ISM2: variants seen among roughly 807,000 people sequenced by gnomAD.
The protein encoded by ISM2 is isthmin 2.
A neutral mutation model predicts 58.0 loss-of-function variants in ISM2; 50 were observed. The observed-to-expected ratio is 0.86, with a 90% CI of 0.69 to 1.09. The LOEUF (loss-of-function observed/expected upper bound fraction) is 1.09. Among genes scored for constraint, ISM2 ranks in the 50% least tolerant of loss-of-function variants. The probability of loss-of-function intolerance (pLI) is 0.00; values close to 1 mark genes in which losing one functional copy is unlikely to be tolerated. For synonymous variants in ISM2, 303 were observed against 312.4 expected, an observed-to-expected ratio of 0.97 and a Z score of 0.32; for missense variants, 723 against 745.0, an observed-to-expected ratio of 0.97 and a Z score of 0.34.
In ISM2 at chr14:77,491,482, G is replaced by A. The variant is rs552765441; in HGVS notation, c.142-6563C>T. Among the ~76,000 whole-genome samples, 23 of 152,240 alleles carry A rather than the reference G, an allele frequency of 1.5e-4. No individual in the cohort carries two copies. In the East Asian group the frequency reaches 2.5e-3, roughly 17 times the overall value. On this transcript the variant is annotated intron_variant, in intron 1 of 6. Transcript: ENST00000342219. The stretch of plus-strand genomic sequence containing the variant: ...CGGCTCACCGCAACCTCTGCCTCCC[G>A]GGCTCAAGTGATTCTCCTGCCTTAG...
chr14:77,482,271 CT>C, intron 4 of ISM2, 50 bp downstream of exon 4: 1 of 1,424,224 alleles, frequency 7.0e-7, no homozygotes, highest in South Asian at 1.3e-5. Context: ...CCCATTTCCA[CT>C]CAGTACCTAC....
chr14:77,497,418 C>A (rs1287615463), intron 1 of ISM2, among the ~76,000 whole-genome samples: 3 of 147,964 alleles, frequency 2.0e-5, no homozygotes, highest in African/African-American at 7.4e-5. Flanking sequence ...GGCACCATGG[C>A]TCATGCCTGT....
At chr14:77,483,509 T>C (rs896506693) in intron 3 of ISM2, among the ~76,000 whole-genome samples, 3 of 151,148 alleles carry the variant, frequency 2.0e-5, no homozygotes, top group Non-Finnish European at 2.9e-5. Context: ...GATCATGCCA[T>C]TGCATTCCAG....
At position 77,482,383 on chromosome 14, in the gene ISM2, G is replaced by T; in HGVS notation, c.912C>A (p.Asp304Glu). The T allele has an allele frequency of 6.2e-7, 1 of 1,614,170 alleles. No individual in the cohort carries two copies. The highest frequency in any genetic ancestry group is 8.5e-7 in the Non-Finnish European group (1 of 1,180,020). The part of the protein sequence containing the change: ...EQALWFNGTT[D>E]NWDQGWLAPG... ...GGGCCAGCCAGCCCTGGTCCCAGTT[G>T]TCTGTAGTTCCATTGAACCAGAGCG... Residue 304 changes from aspartate (D) to glutamate (E), a missense_variant, in exon 4 of 7, where the codon GAC (aspartate) becomes GAA (glutamate). Coordinates refer to ENST00000342219, the MANE Select transcript of ISM2 (RefSeq NM_199296.3).
intron 1 of ISM2, among the ~76,000 whole-genome samples, chr14:77,495,293 T>C (rs755327842): frequency 6.6e-6 from 1 of 152,218 alleles, no homozygotes; most frequent in Non-Finnish European, 1.5e-5. Flanking sequence ...TGCTTTTTCA[T>C]TGTGGCACTA....
At chr14:77,485,618 T>A (rs1458350075) in intron 1 of ISM2, among the ~76,000 whole-genome samples, 1 of 152,270 alleles carries the variant, frequency 6.6e-6, no homozygotes, top group Non-Finnish European at 1.5e-5. Flanking sequence ...CTGTTCAGCA[T>A]TCATCTGCCC....
chr14:77,482,979 C>T (rs1463553493), intron 3 of ISM2: 1 of 266,676 alleles, frequency 3.7e-6, no homozygotes, highest in African/African-American at 2.2e-5. Context: ...CACTCACTAG[C>T]TTAAGAGAAG....
At chr14:77,477,674 T>C (rs1403275286) in intron 6 of ISM2, among the ~76,000 whole-genome samples, 1 of 152,194 alleles carries the variant, frequency 6.6e-6, no homozygotes, top group East Asian at 1.9e-4. Flanking sequence ...GCCAGCACCA[T>C]GGCCAGGCAC....
In ISM2 at chr14:77,475,975, C is replaced by G. The variant is rs1367719318; in HGVS notation, c.1336G>C (p.Asp446His). 6.3e-7 allele frequency: 1 copy of G among 1,595,832 alleles called. No homozygotes were observed. The highest frequency in any genetic ancestry group is 8.5e-7 in the Non-Finnish European group (1 of 1,177,420). Residue 446 changes from aspartate to histidine, a missense_variant, in exon 7 of 7, where the codon GAC (aspartate) becomes CAC (histidine). By Grantham distance (81) the Asp-to-His change is moderately conservative (BLOSUM62 -1). Transcript: ENST00000342219. The surrounding 1 kb of genome is among the most constrained non-coding windows in gnomAD (Gnocchi z 4.1). ...EAMDSPVSLQDEHQGRSFRWR... is the reference protein window; with the variant it reads ...EAMDSPVSLQHEHQGRSFRWR... Reference sequence around the variant, plus strand: ...CGGAAGCTGCGGCCCTGGTGCTCGTCCTGTAGGCTCACAGGGCTGTCCATG... The same window carrying G: ...CGGAAGCTGCGGCCCTGGTGCTCGTGCTGTAGGCTCACAGGGCTGTCCATG...
intron 4 of ISM2, among the ~76,000 whole-genome samples, chr14:77,479,051 A>C (rs1405811998): frequency 6.6e-6 from 1 of 152,116 alleles, no homozygotes; most frequent in Non-Finnish European, 1.5e-5. Flanking sequence ...GTCCCCCTAC[A>C]TCTCTGAGCT....
At position 77,482,848 on chromosome 14, in the gene ISM2, G is replaced by A. The variant is rs559813934; in HGVS notation, c.628-181C>T. On this transcript the variant is annotated intron_variant, in intron 3 of 6. Transcript: ENST00000342219. ...GGCCTCTTAGGGCACAAGAATCACA[G>A]CTTACGGCCTGGAGGTGCATTAGAA... is the stretch of plus-strand genomic sequence containing the variant. 16 of 530,044 alleles carry A rather than the reference G, an allele frequency of 3.0e-5. No individual in the cohort carries two copies. The African/African-American group carries it at 3.1e-4, about 10-fold the overall frequency. The allele number at this position is 530,044 out of a possible 1,614,324, so 32.8% of individuals were successfully genotyped here. A position where few individuals can be genotyped will look rare whatever the true frequency, so the allele number is the denominator to read the frequency against.
chr14:77,477,097 G>A (rs2079103111), intron 6 of ISM2, among the ~76,000 whole-genome samples: 2 of 152,138 alleles, frequency 1.3e-5, no homozygotes, highest in Non-Finnish European at 1.5e-5. Flanking sequence ...TCATAAACCA[G>A]AAAGAGGTGC....
chr14:77,497,733 AGGAAGGAGGGAGGGAG>A (rs1487065250), intron 1 of ISM2, among the ~76,000 whole-genome samples: 9 of 37,830 alleles, frequency 2.4e-4, no homozygotes, highest in Non-Finnish European at 4.5e-4. Flanking sequence ...AAAAGTAGGA[AGGAAGGAGGGAGGGAG>A]GGAGGGAGGG....
At chr14:77,479,186 C>T (rs1197280764) in intron 4 of ISM2, among the ~76,000 whole-genome samples, 1 of 152,120 alleles carries the variant, frequency 6.6e-6, no homozygotes, top group African/African-American at 2.4e-5. Context: ...CCCACCTCAG[C>T]CTCCCTAGTA....
rs1351352373 is a variant in ISM2 at position 77,484,312 on chromosome 14, G to A, written c.627+11C>T. 1 of 1,608,558 alleles carries A rather than the reference G, an allele frequency of 6.2e-7. No individual in the cohort carries two copies. The highest frequency in any genetic ancestry group is 1.7e-5 in the Admixed American group (1 of 59,658). ...TGTCTGCAGGGCTGCTGGCCCTTCT[G>A]TAGCTCTCACCTGGTTATCAGGGTT... On this transcript the variant is annotated intron_variant, in intron 3 of 6. Coordinates refer to ENST00000342219, the MANE Select transcript of ISM2 (RefSeq NM_199296.3).
rs1455920486 is a variant in ISM2 at position 77,474,599 on chromosome 14, G to C, written c.*996C>G. 6.6e-6 allele frequency: 1 copy of C among 152,278 alleles called. No individual in the cohort carries two copies. The allele number at this position is 152,278 out of a possible 1,614,324, so 9.4% of individuals were successfully genotyped here. The stretch of plus-strand genomic sequence containing the variant: ...GAGGCATGAGGTGTGCCGGGAGAGC[G>C]ATTATGTGCATCTCTTCCCAACTCT... On this transcript the variant is annotated 3_prime_UTR_variant, in exon 7 of 7. Transcript: ENST00000342219.
rs377280755 is a variant in ISM2 at position 77,475,951 on chromosome 14, G to A, written c.1360C>T (p.Arg454Trp). 61 of 1,598,572 alleles carry A rather than the reference G, an allele frequency of 3.8e-5. No individual in the cohort carries two copies. In the East Asian group the frequency reaches 6.9e-4, roughly 18 times the overall value. Residue 454 changes from arginine to tryptophan, a missense_variant, in exon 7 of 7, where the codon CGG (arginine) becomes TGG (tryptophan). Arg to Trp is a moderately radical substitution (Grantham distance 101, BLOSUM62 -3). Coordinates refer to ENST00000342219, the MANE Select transcript of ISM2 (RefSeq NM_199296.3). This position sits in a 1 kb window ranked among gnomAD's most constrained non-coding sequence, Gnocchi z 4.1. ...CGAGGGCCACTGGCATCCCTCCACC[G>A]GAAGCTGCGGCCCTGGTGCTCGTCC... ...LQDEHQGRSFRWRDASGPRER... is the reference protein window; with the variant it reads ...LQDEHQGRSFWWRDASGPRER...
chr14:77,480,413 C>G (rs893042556), intron 4 of ISM2, among the ~76,000 whole-genome samples: 1 of 152,128 alleles, frequency 6.6e-6, no homozygotes, highest in Non-Finnish European at 1.5e-5. Flanking sequence ...TGTGCAGGGC[C>G]TGAGACCCAG....
Position 77,475,709 on chromosome 14 carries a change from C to A in ISM2, c.1602G>T (p.Lys534Asn). Residue 534 changes from lysine to asparagine, a missense_variant, in exon 7 of 7, where the codon AAG (lysine) becomes AAT (asparagine). Transcript: ENST00000342219. This position sits in a 1 kb window ranked among gnomAD's most constrained non-coding sequence, Gnocchi z 4.1. Reference protein sequence around the residue: ...KFDTTPWILCKGDWSRLHAVL... With the variant: ...KFDTTPWILCNGDWSRLHAVL... ...CAGCGTGGAGGCGGCTCCAGTCCCC[C>A]TTGCACAGGATCCAGGGCGTCGTGT... 6.2e-7 allele frequency: 1 copy of A among 1,614,144 alleles called. No individual in the cohort carries two copies. The highest frequency in any genetic ancestry group is 1.1e-5 in the South Asian group (1 of 91,080).
Sources: allele counts gnomAD v4.1 joint callset (sites outside exome capture counted in the v4.1 genomes callset), GRCh38; gene constraint gnomAD v4.1.1; non-coding constraint Gnocchi (gnomAD v3.1); transcripts MANE v1.5; gene names NCBI Gene and HGNC (gene_info 2026-07-23, HGNC 2026-07-21).